INPP4A: variants seen among roughly 807,000 people sequenced by gnomAD.
INPP4A encodes the protein inositol polyphosphate-4-phosphatase type I A.
INPP4A carries 33 observed loss-of-function variants against 119.8 expected under a neutral mutation model. That is an observed-to-expected ratio of 0.28 (90% CI 0.21 to 0.37). The LOEUF is 0.37. Ranked by LOEUF, INPP4A falls within the 10% of genes least tolerant of loss-of-function variation. INPP4A has a pLI of 1.00. For synonymous variants in INPP4A, 496 were observed against 500.7 expected, an observed-to-expected ratio of 0.99 and a Z score of 0.12; for missense variants, 956 against 1,289.9, an observed-to-expected ratio of 0.74 and a Z score of 3.97.
intron 4 of INPP4A, among the ~76,000 whole-genome samples, chr2:98,524,845 G>T (rs1687892570): frequency 6.6e-6 from 1 of 152,142 alleles, no homozygotes; most frequent in Non-Finnish European, 1.5e-5. Flanking sequence ...TCAAACTCAG[G>T]GTAGGCAAAG....
intron 1 of INPP4A, among the ~76,000 whole-genome samples, chr2:98,514,365 AT>A (rs1685704382): frequency 6.6e-6 from 1 of 152,132 alleles, no homozygotes; most frequent in Non-Finnish European, 1.5e-5. Flanking sequence ...CGGTAAGAGT[AT>A]CTTTGTATGC....
chr2:98,572,468 C>T (rs1297767856), intron 22 of INPP4A, among the ~76,000 whole-genome samples: 4 of 152,188 alleles, frequency 2.6e-5, no homozygotes, highest in Non-Finnish European at 4.4e-5. Context: ...GAAGTTTTGA[C>T]GACCAGCTGG....
intron 19 of INPP4A, 131 bp downstream of exon 19, chr2:98,564,894 C>T: frequency 8.7e-7 from 1 of 1,145,628 alleles, no homozygotes; most frequent in Non-Finnish European, 1.2e-6. Context: ...TAACAGCAGA[C>T]CAGATGGCAG....
At chr2:98,451,504 G>A (rs1348097785) in intron 1 of INPP4A, among the ~76,000 whole-genome samples, 1 of 152,092 alleles carries the variant, frequency 6.6e-6, no homozygotes, top group East Asian at 1.9e-4. Context: ...CTCCTAGAGC[G>A]CTTTCCCTGA....
At chr2:98,552,408 C>T (rs1239144051) in intron 13 of INPP4A, among the ~76,000 whole-genome samples, 2 of 152,162 alleles carry the variant, frequency 1.3e-5, no homozygotes, top group East Asian at 3.8e-4. Context: ...CTGTAAATGG[C>T]CTCTATGTCT....
intron 1 of INPP4A, among the ~76,000 whole-genome samples, chr2:98,515,688 G>A (rs1026967895): frequency 1.3e-5 from 2 of 152,186 alleles, no homozygotes; most frequent in African/African-American, 4.8e-5. Context: ...CTCCAGCTCC[G>A]GGGAGCCTGA....
chr2:98,515,628 C>T (rs1192809154), intron 1 of INPP4A, among the ~76,000 whole-genome samples: 5 of 152,232 alleles, frequency 3.3e-5, no homozygotes, highest in Non-Finnish European at 5.9e-5. Flanking sequence ...AGAAGAACCC[C>T]AGTGAATAAG....
At chr2:98,449,978 C>T (rs1694941874) in intron 1 of INPP4A, among the ~76,000 whole-genome samples, 1 of 151,898 alleles carries the variant, frequency 6.6e-6, no homozygotes, top group Admixed American at 6.6e-5. Context: ...CTGTTTATAT[C>T]CTTTGTTCAT....
At chr2:98,541,109 C>T (rs565007808) in intron 10 of INPP4A, among the ~76,000 whole-genome samples, 5 of 152,244 alleles carry the variant, frequency 3.3e-5, no homozygotes, top group African/African-American at 4.8e-5. Context: ...AGGTGGATCA[C>T]GAGGTCAGGA....
intron 1 of INPP4A, among the ~76,000 whole-genome samples, chr2:98,494,717 A>G (rs529828082): frequency 2.6e-5 from 4 of 152,364 alleles, no homozygotes; most frequent in Middle Eastern, 3.4e-3. Context: ...AAGAGACAGT[A>G]AAGAGTGTCT....
Position 98,537,847 on chromosome 2 carries a change from ATGT to A in INPP4A, c.468-12_468-10del. 1 of 1,562,942 alleles carries A rather than the reference ATGT, an allele frequency of 6.4e-7. No individual in the cohort carries two copies. The highest frequency in any genetic ancestry group is 1.1e-5 in the South Asian group (1 of 88,148). On this transcript the variant is annotated splice_polypyrimidine_tract_variant and intron_variant, in intron 7 of 24. Transcript: ENST00000409851. ...CAGTTGCAGCACCACTCATTAAAGCATGTTGTGCATCACAGGTCTGCAGAGAGT... is the reference window on the plus strand; with the variant it reads ...CAGTTGCAGCACCACTCATTAAAGCATGTGCATCACAGGTCTGCAGAGAGT...
At chr2:98,583,730 C>T (rs1373102726) in intron 24 of INPP4A, among the ~76,000 whole-genome samples, 1 of 152,148 alleles carries the variant, frequency 6.6e-6, no homozygotes, top group Non-Finnish European at 1.5e-5. Context: ...CCCAGAAACC[C>T]AGTCGACCAC....
intron 24 of INPP4A, among the ~76,000 whole-genome samples, chr2:98,583,445 C>T (rs759228037): frequency 6.3e-4 from 96 of 152,106 alleles, no homozygotes; most frequent in Non-Finnish European, 1.1e-3. Flanking sequence ...CCCTGCAGCG[C>T]GATGAAGTGT....
intron 1 of INPP4A, among the ~76,000 whole-genome samples, chr2:98,512,502 T>A (rs6753515): frequency 0.27 from 41,810 of 152,164 alleles, 5,795 homozygotes; most frequent in Middle Eastern, 0.35. Flanking sequence ...TGGGAAGTCC[T>A]GGAGCATGGT....
intron 1 of INPP4A, among the ~76,000 whole-genome samples, chr2:98,467,207 C>A (rs1006622017): frequency 6.6e-6 from 1 of 152,102 alleles, no homozygotes; most frequent in Non-Finnish European, 1.5e-5. Context: ...AACTCACGCA[C>A]CCTCAAAGCG....
At chr2:98,472,719 G>A (rs1288695792) in intron 1 of INPP4A, among the ~76,000 whole-genome samples, 1 of 152,264 alleles carries the variant, frequency 6.6e-6, no homozygotes, top group Non-Finnish European at 1.5e-5. Flanking sequence ...CTGCAGAAAG[G>A]AGGAGTGAGG....
chr2:98,576,866 G>C, intron 23 of INPP4A, 123 bp from the exon 24 acceptor site: 1 of 1,207,812 alleles, frequency 8.3e-7, no homozygotes, highest in East Asian at 2.5e-5. Context: ...GTCTGGCCAG[G>C]CCTGGGTGTT....
chr2:98,479,349 C>A (rs1373421643), intron 1 of INPP4A, among the ~76,000 whole-genome samples: 7 of 152,086 alleles, frequency 4.6e-5, no homozygotes, highest in Non-Finnish European at 1.0e-4. Flanking sequence ...CCGAGGCTAC[C>A]CTACTTTGAT....
intron 1 of INPP4A, among the ~76,000 whole-genome samples, chr2:98,472,473 G>C (rs919348797): frequency 6.6e-6 from 1 of 152,262 alleles, no homozygotes; most frequent in Non-Finnish European, 1.5e-5. Context: ...GGACAGATGA[G>C]CTCTGTGGCA....
Sources: gnomAD v4.1 joint callset for allele counts (sites outside exome capture counted in the v4.1 genomes callset) on GRCh38, gnomAD v4.1.1 for gene constraint, MANE v1.5 for transcripts, NCBI Gene and HGNC (gene_info 2026-07-23, HGNC 2026-07-21) for gene names.